The following VPS13B variants were observed in gnomAD, a reference collection of about 807,000 sequenced individuals.
VPS13B encodes intermembrane lipid transfer protein VPS13B.
Under a neutral mutation model 426.4 loss-of-function variants are expected in VPS13B, and 285 were observed. The observed-to-expected ratio is 0.67, with a 90% confidence interval of 0.61 to 0.74. The LOEUF (loss-of-function observed/expected upper bound fraction) is 0.74. Ranked by LOEUF, VPS13B falls within the 30% of genes least tolerant of loss-of-function variation. The probability of loss-of-function intolerance (pLI) is 0.00; values close to 1 mark genes in which losing one functional copy is unlikely to be tolerated. For synonymous variants in VPS13B, 1,676 were observed against 1,676.4 expected, an observed-to-expected ratio of 1.00 and a Z score of 0.01; for missense variants, 4,537 against 4,782.6, an observed-to-expected ratio of 0.95 and a Z score of 1.51.
chr8:99,536,744 T>C (rs1262503304), intron 30 of VPS13B: 2 of 533,306 alleles, frequency 3.8e-6, no homozygotes, highest in Non-Finnish European at 7.7e-6. Context: ...ATTAAACGTA[T>C]TCCCAGTCAT....
chr8:99,431,751 C>T (rs1817124673), intron 22 of VPS13B, 87 bp downstream of exon 22: 15 of 1,381,346 alleles, frequency 1.1e-5, no homozygotes, highest in Non-Finnish European at 1.3e-5. Flanking sequence ...AGACTTTTCT[C>T]ACATGTAACA....
intron 17 of VPS13B, among the ~76,000 whole-genome samples, chr8:99,212,051 C>A (rs1221706816): frequency 2.0e-5 from 3 of 151,916 alleles, no homozygotes; most frequent in African/African-American, 4.8e-5. Context: ...TGCCACCACG[C>A]CCGGCTAATT....
chr8:99,256,462 G>C (rs927866550), intron 17 of VPS13B, among the ~76,000 whole-genome samples: 1 of 152,076 alleles, frequency 6.6e-6, no homozygotes, highest in Non-Finnish European at 1.5e-5. Context: ...AATTTCTTGA[G>C]GAATCGCGAT....
chr8:99,081,861 T>C (rs2132372588), intron 3 of VPS13B, among the ~76,000 whole-genome samples: 1 of 152,232 alleles, frequency 6.6e-6, no homozygotes, highest in East Asian at 1.9e-4. Context: ...CAGTCTATAA[T>C]TGTTGGACAT....
chr8:99,428,185 T>C (rs1046095185), intron 21 of VPS13B, among the ~76,000 whole-genome samples: 1 of 152,174 alleles, frequency 6.6e-6, no homozygotes, highest in Non-Finnish European at 1.5e-5. Context: ...ATAAAAACCC[T>C]AGAAGAAATC....
chr8:99,327,136 A>G (rs1382279311), intron 19 of VPS13B, among the ~76,000 whole-genome samples: 2 of 152,250 alleles, frequency 1.3e-5, no homozygotes, highest in East Asian at 1.9e-4. Context: ...TTCCAATTCT[A>G]TGTACATGTA....
chr8:99,028,307 C>T (rs912744078), intron 2 of VPS13B, among the ~76,000 whole-genome samples: 1 of 151,216 alleles, frequency 6.6e-6, no homozygotes, highest in Non-Finnish European at 1.5e-5. Flanking sequence ...AGGTGCCCCT[C>T]ACCTCCCGGA....
chr8:99,272,130 A>G (rs1049932373), intron 17 of VPS13B, among the ~76,000 whole-genome samples: 1 of 152,242 alleles, frequency 6.6e-6, no homozygotes, highest in African/African-American at 2.4e-5. Context: ...TAATACAACT[A>G]TCATAGAAAG....
intron 17 of VPS13B, chr8:99,233,816 A>G: frequency 2.6e-6 from 2 of 778,524 alleles, no homozygotes; most frequent in Non-Finnish European, 4.8e-6. Flanking sequence ...CACGATTTTC[A>G]GAGGAATCTC....
At chr8:99,410,010 A>C (rs1051396823) in intron 21 of VPS13B, among the ~76,000 whole-genome samples, 9 of 152,176 alleles carry the variant, frequency 5.9e-5, no homozygotes, top group Admixed American at 3.3e-4. Context: ...TATAATGGAC[A>C]TGAGACTAAA....
At chr8:99,729,963 T>G (rs1433839418) in intron 39 of VPS13B, among the ~76,000 whole-genome samples, 1 of 152,228 alleles carries the variant, frequency 6.6e-6, no homozygotes, top group African/African-American at 2.4e-5. Context: ...TATTAGCACA[T>G]GATGGCACTA....
At chr8:99,619,165 T>C (rs376883588) in intron 33 of VPS13B, among the ~76,000 whole-genome samples, 45 of 152,326 alleles carry the variant, frequency 3.0e-4, no homozygotes, top group Middle Eastern at 3.4e-3. Flanking sequence ...TTATATCTCA[T>C]GCCATTCCTG....
At chr8:99,210,171 C>G (rs1449232248) in intron 17 of VPS13B, among the ~76,000 whole-genome samples, 1 of 152,112 alleles carries the variant, frequency 6.6e-6, no homozygotes, top group African/African-American at 2.4e-5. Context: ...GAGTGCTGGA[C>G]CAGAATCCCA....
intron 30 of VPS13B, among the ~76,000 whole-genome samples, chr8:99,539,854 C>T (rs1414594167): frequency 1.3e-5 from 2 of 148,640 alleles, no homozygotes; most frequent in Admixed American, 6.7e-5. Flanking sequence ...TTCTTTTTTT[C>T]TTTTTTGTAC....
Position 99,819,949 on chromosome 8 carries a change from C to T in VPS13B, c.8821C>T (p.Pro2941Ser). The change falls in exon 49 of 62, where the codon CCA (proline) becomes TCA (serine). Residue 2941 changes from proline (P) to serine (S), a missense_variant. Pro to Ser is a moderately conservative substitution (Grantham distance 74, BLOSUM62 -1). Around this residue, in one of 2 missense-constraint regions of VPS13B, gnomAD observed 4,311 missense variants for 4,474.3 expected, o/e 0.96. Coordinates refer to ENST00000357162, the MANE Select transcript of VPS13B (RefSeq NM_152564.5). Reference protein sequence around the residue: ...RNEQLSQWDSPMRVKLSIWKP... With the variant: ...RNEQLSQWDSSMRVKLSIWKP... ...TGAACAGCTAAGTCAGTGGGATAGC[C>T]CAATGCGAGTGAAGCTGTCAATCTG... 1 of 1,613,900 alleles carries T rather than the reference C, an allele frequency of 6.2e-7. No homozygotes were observed. Among genetic ancestry groups the T allele is most frequent in the Non-Finnish European group, 8.5e-7 (1 of 1,179,900 alleles).
chr8:99,082,827 G>T (rs1845557706), intron 3 of VPS13B, among the ~76,000 whole-genome samples: 1 of 152,142 alleles, frequency 6.6e-6, no homozygotes, highest in Non-Finnish European at 1.5e-5. Context: ...CTACATCTCT[G>T]TTTTGGTACC....
intron 21 of VPS13B, among the ~76,000 whole-genome samples, chr8:99,405,049 C>A (rs1431001061): frequency 6.6e-6 from 1 of 152,136 alleles, no homozygotes; most frequent in Non-Finnish European, 1.5e-5. Context: ...GGATCTTAAT[C>A]ATCTACAAGT....
In VPS13B at chr8:99,699,813, A is replaced by G. The variant is rs1212416417; in HGVS notation, c.6335A>G (p.Gln2112Arg). 3 of 1,613,800 alleles carry G rather than the reference A, an allele frequency of 1.9e-6. No homozygotes were observed. The highest frequency in any genetic ancestry group is 2.7e-5 in the African/African-American group (2 of 74,890). ...TCCTGCTTTCAAAAAATTTCTGTTC[A>G]AACTACTCAGATTGTGATCTCCATG... ...AVSCFQKISV[Q>R]TTQIVISMET... Residue 2112 changes from glutamine to arginine, a missense_variant, in exon 36 of 62, where the codon CAA becomes CGA. Physicochemically the swap from Gln to Arg is conservative, Grantham distance 43. Around this residue, in one of 2 missense-constraint regions of VPS13B, gnomAD observed 4,311 missense variants for 4,474.3 expected, o/e 0.96. Coordinates refer to ENST00000357162, the MANE Select transcript of VPS13B (RefSeq NM_152564.5).
rs187931671 is a variant in VPS13B at position 99,117,982 on chromosome 8, A to C, written c.937+2108A>C. Among the ~76,000 whole-genome samples the C allele has an allele frequency of 3.4e-3, 522 of 152,312 alleles. 3 individuals carry two copies. The highest frequency in any genetic ancestry group is 0.011 in the African/African-American group (469 of 41,588). ...CTTACTACCTTAAAATAAAGCATAG[A>C]GAACAACATTAATCAGAGTATGTAG... On this transcript the variant is annotated intron_variant, in intron 7 of 61. Transcript: ENST00000357162.
Sources: allele counts gnomAD v4.1 joint callset (sites outside exome capture counted in the v4.1 genomes callset), GRCh38; gene constraint gnomAD v4.1.1; regional missense constraint gnomAD v4.1.1; transcripts MANE v1.5; gene names NCBI Gene and HGNC (gene_info 2026-07-23, HGNC 2026-07-21).